The following DACH2 variants were observed in gnomAD, a reference collection of about 807,000 sequenced individuals.
The protein encoded by DACH2 is dachshund homolog 2.
DACH2 carries 17 observed loss-of-function variants against 35.8 expected under a neutral mutation model. That is an observed-to-expected ratio of 0.48 (90% CI 0.33 to 0.71). The LOEUF (loss-of-function observed/expected upper bound fraction) is 0.71, where lower values mean the gene tolerates loss of function less well. Among genes scored for constraint, DACH2 ranks in the 30% least tolerant of loss-of-function variants. The pLI, the probability that DACH2 is intolerant of heterozygous loss-of-function variation, is 0.02. For synonymous variants in DACH2, 195 were observed against 177.3 expected (o/e 1.10, Z -0.79); for missense variants, 469 against 472.7 (o/e 0.99, Z 0.07).
chrX:86,247,302 A>G (rs2033305939), intron 1 of DACH2, among the ~76,000 whole-genome samples: 1 of 111,544 alleles, frequency 9.0e-6, no homozygotes, highest in South Asian at 3.7e-4. Flanking sequence ...TGAGACATGA[A>G]AAACCACACA....
chrX:86,538,147 A>G (rs2038829262), intron 3 of DACH2, among the ~76,000 whole-genome samples: 1 of 111,216 alleles, frequency 9.0e-6, no homozygotes, highest in Admixed American at 9.6e-5. Context: ...TGCACGTGAC[A>G]TGGTCTTTAC....
intron 2 of DACH2, among the ~76,000 whole-genome samples, chrX:86,419,147 C>T (rs2036758510): frequency 9.0e-6 from 1 of 111,661 alleles, no homozygotes; most frequent in Non-Finnish European, 1.9e-5. Context: ...CCAAACTTTC[C>T]CACATTTTCT....
intron 3 of DACH2, among the ~76,000 whole-genome samples, chrX:86,634,050 T>G (rs1396172580): frequency 9.0e-6 from 1 of 111,165 alleles, no homozygotes; most frequent in Non-Finnish European, 1.9e-5. Flanking sequence ...AAACTTACAA[T>G]CATGGTGGAA....
chrX:86,201,684 C>A (rs1263141847), intron 1 of DACH2, among the ~76,000 whole-genome samples: 1 of 110,997 alleles, frequency 9.0e-6, no homozygotes, highest in Non-Finnish European at 1.9e-5. Context: ...AAAACTTATT[C>A]AGTAGAATTC....
chrX:86,621,551 T>TA (rs199886945), intron 3 of DACH2, among the ~76,000 whole-genome samples: 36 of 106,081 alleles, frequency 3.4e-4, no homozygotes, highest in Admixed American at 9.1e-4. Context: ...ATTTTAATAA[T>TA]AAAAAAAAAA....
At chrX:86,402,276 A>G (rs1345074939) in intron 2 of DACH2, among the ~76,000 whole-genome samples, 1 of 112,170 alleles carries the variant, frequency 8.9e-6, no homozygotes, top group Admixed American at 9.5e-5. Context: ...AATTTTATAC[A>G]TTGAAAACTC....
chrX:86,260,067 A>C (rs1190073767), intron 1 of DACH2, among the ~76,000 whole-genome samples: 2 of 111,246 alleles, frequency 1.8e-5, no homozygotes, highest in African/African-American at 6.5e-5. Flanking sequence ...AAGATATTTC[A>C]AAAAAATCTA....
At position 86,214,404 on chromosome X, in the gene DACH2, A is replaced by G. The variant is rs886323284; in HGVS notation, c.488+65296A>G. Among the ~76,000 whole-genome samples, 9 of 112,218 alleles carry G rather than the reference A, an allele frequency of 8.0e-5. No individual in the cohort carries two copies. In the South Asian group the frequency reaches 1.1e-3, roughly 14 times the overall value. On this transcript the variant is annotated intron_variant, in intron 1 of 11. Coordinates refer to ENST00000373125, the MANE Select transcript of DACH2 (RefSeq NM_053281.3). ...ATTTGCACATCTTCAGTTGTCACCT[A>G]TGTGACTCACAAATTAATATTTTCA...
At chrX:86,189,997 C>T (rs1214811980) in intron 1 of DACH2, among the ~76,000 whole-genome samples, 1 of 109,326 alleles carries the variant, frequency 9.1e-6, no homozygotes, top group African/African-American at 3.3e-5. Flanking sequence ...AACCCCGTCT[C>T]TACTAAAAAT....
At chrX:86,515,977 T>C (rs913346323) in intron 3 of DACH2, among the ~76,000 whole-genome samples, 1 of 112,081 alleles carries the variant, frequency 8.9e-6, no homozygotes, top group Non-Finnish European at 1.9e-5. Context: ...CACTTGATAA[T>C]TGATTAAATG....
At chrX:86,394,979 G>C (rs191872074) in intron 2 of DACH2, among the ~76,000 whole-genome samples, 1 of 111,688 alleles carries the variant, frequency 9.0e-6, no homozygotes, top group African/African-American at 3.3e-5. Context: ...TTACATGGCC[G>C]TCATCCCTAC....
intron 2 of DACH2, among the ~76,000 whole-genome samples, chrX:86,425,618 A>G (rs182149160): frequency 9.0e-6 from 1 of 110,638 alleles, no homozygotes; most frequent in East Asian, 3.0e-4. Flanking sequence ...TTTAACTTCA[A>G]AAAACCAACT....
At chrX:86,563,238 T>G (rs1049144153) in intron 3 of DACH2, among the ~76,000 whole-genome samples, 1 of 110,474 alleles carries the variant, frequency 9.1e-6, no homozygotes, top group African/African-American at 3.3e-5. Flanking sequence ...AAGGAGTCAA[T>G]GCCGTTGACC....
intron 3 of DACH2, among the ~76,000 whole-genome samples, chrX:86,544,473 A>G (rs963168122): frequency 1.1e-4 from 12 of 111,704 alleles, no homozygotes. Context: ...GCCAAAAGAG[A>G]TTAAGGGCCT....
In DACH2 at chrX:86,646,870, AT is replaced by A. The variant is rs955347827; in HGVS notation, c.641-4158del. Among the ~76,000 whole-genome samples, 10 of 108,787 alleles carry A rather than the reference AT, an allele frequency of 9.2e-5. No individual in the cohort carries two copies. In the East Asian group the frequency reaches 1.1e-3, roughly 12 times the overall value. 94.5% of individuals were successfully genotyped at this position (108,787 alleles called of 115,157 possible). On this transcript the variant is annotated intron_variant, in intron 3 of 11. Transcript: ENST00000373125. ...ATATATAGGCAACAGAGCTGAAAAT[AT>A]TTTTTTTCTTGAAATAAGACATACA...
intron 3 of DACH2, among the ~76,000 whole-genome samples, chrX:86,576,585 T>G (rs771634859): frequency 9.0e-6 from 1 of 111,238 alleles, no homozygotes. Flanking sequence ...ATTTAAAAAT[T>G]TTCTTTTCAA....
At chrX:86,714,849 G>A (rs779201596) in intron 6 of DACH2, 129 bp downstream of exon 6, 148 of 560,849 alleles carry the variant, frequency 2.6e-4, no homozygotes, top group Middle Eastern at 4.8e-4. Flanking sequence ...ATACAGTATT[G>A]ATGGGTTTAG....
intron 2 of DACH2, among the ~76,000 whole-genome samples, chrX:86,398,001 C>G (rs1266316851): frequency 8.9e-6 from 1 of 111,751 alleles, no homozygotes; most frequent in East Asian, 2.8e-4. Flanking sequence ...TAGAATTCGG[C>G]TGTGAATCCA....
At chrX:86,419,812 C>T (rs2036772757) in intron 2 of DACH2, among the ~76,000 whole-genome samples, 1 of 111,274 alleles carries the variant, frequency 9.0e-6, no homozygotes. Flanking sequence ...GGTGAGGATG[C>T]CATAAGACCA....
Sources: allele counts gnomAD v4.1 joint callset (sites outside exome capture counted in the v4.1 genomes callset), GRCh38; gene constraint gnomAD v4.1.1; transcripts MANE v1.5; gene names NCBI Gene and HGNC (gene_info 2026-07-23, HGNC 2026-07-21).